Variants in ROS1 observed in about 807,000 individuals in gnomAD.
ROS1 encodes the protein proto-oncogene tyrosine-protein kinase ROS.
ROS1 carries 263 observed loss-of-function variants against 273.5 expected under a neutral mutation model. The ratio of observed to expected loss-of-function variants is 0.96; its 90% CI spans 0.87 to 1.06. ROS1 has a LOEUF of 1.06. ROS1 is among the 50% of genes least tolerant of loss of function. ROS1 has a pLI of 0.00. For synonymous variants in ROS1, 1,008 were observed against 954.1 expected (o/e 1.06, Z -1.04); for missense variants, 2,833 against 2,751.1 (o/e 1.03, Z -0.67).
chr6:117,419,461 T>G (rs1435430557), intron 1 of ROS1, among the ~76,000 whole-genome samples: 2 of 152,168 alleles, frequency 1.3e-5, no homozygotes, highest in African/African-American at 2.4e-5. Flanking sequence ...TCCTTTAAAC[T>G]CCGTTCCCTA....
chr6:117,301,262 T>A, intron 42 of ROS1, 125 bp from the exon 43 acceptor site: 1 of 761,956 alleles, frequency 1.3e-6, no homozygotes, highest in Non-Finnish European at 2.0e-6. Context: ...TTAATATAAG[T>A]GAATCAAAAC....
In ROS1 at chr6:117,386,978, A is replaced by G. The variant is rs2128698815; in HGVS notation, c.2021T>C (p.Met674Thr). ...LVPASEPPFI[M>T]AVKEDGLWSK... ...CCAAAGCCCATCTTCTTTCACAGCC[A>G]TGATAAATGGTGGTTCACTAGCTGT... The change falls in exon 15 of 44, where the codon ATG becomes ACG. Residue 674 changes from methionine to threonine, a missense_variant. Transcript: ENST00000368507. 1 of 1,610,888 alleles carries G rather than the reference A, an allele frequency of 6.2e-7. No homozygotes were observed. The highest frequency in any genetic ancestry group is 8.5e-7 in the Non-Finnish European group (1 of 1,177,558).
chr6:117,324,371 C>G lies in ROS1; in HGVS notation c.5584G>C (p.Val1862Leu), dbSNP rs2128574993. 6.5e-7 allele frequency: 1 copy of G among 1,529,118 alleles called. No homozygotes were observed. The highest frequency in any genetic ancestry group is 9.0e-7 in the Non-Finnish European group (1 of 1,110,778). 94.7% of individuals were successfully genotyped at this position (1,529,118 alleles called of 1,614,324 possible). ...ATTGTAACAACCAGAAATATTCCAA[C>G]TATAATAGTAAGTATGAAACTTGTT... is the stretch of plus-strand genomic sequence containing the variant. ...PETSFILTII[V>L]GIFLVVTIPL... The change falls in exon 35 of 44, where the codon GTT becomes CTT. Residue 1862 changes from valine (V) to leucine (L), a missense_variant. Val to Leu is a conservative substitution (Grantham distance 32). Coordinates refer to ENST00000368507, the MANE Select transcript of ROS1 (RefSeq NM_001378902.1).
rs1420516084 is a variant in ROS1, at chr6:117,394,677, T to G, written c.945A>C (p.Leu315Phe). 4 of 1,612,134 alleles carry G rather than the reference T, an allele frequency of 2.5e-6. No homozygotes were observed. Among genetic ancestry groups the G allele is most frequent in the Non-Finnish European group, 2.5e-6 (3 of 1,178,764 alleles). ...SRKTSLRKRS[L>F]KHLVDEAHCL... is the part of the protein sequence containing the mutation. Reference sequence around the variant, plus strand: ...AATGTGCTTCATCTACTAAATGTTTTAAAGATCTCTTTCTTAGAGAAGTTT... The same window carrying G: ...AATGTGCTTCATCTACTAAATGTTTGAAAGATCTCTTTCTTAGAGAAGTTT... Residue 315 changes from leucine (L) to phenylalanine (F), a missense_variant, in exon 10 of 44, where the codon TTA becomes TTC. Transcript: ENST00000368507.
chr6:117,347,921 T>C (rs1778508048), intron 27 of ROS1, among the ~76,000 whole-genome samples: 1 of 152,092 alleles, frequency 6.6e-6, no homozygotes. Context: ...TAAATCCCAC[T>C]TGACTGTGAT....
chr6:117,297,544 A>G (rs755490837), intron 43 of ROS1, among the ~76,000 whole-genome samples: 5 of 152,164 alleles, frequency 3.3e-5, no homozygotes, highest in Admixed American at 6.5e-5. Context: ...TAATCCCATT[A>G]AAAAGTGAGC....
In ROS1 at chr6:117,376,821, G is replaced by C. The variant is rs536564750; in HGVS notation, c.2582+2238C>G. On this transcript the variant is annotated intron_variant, in intron 18 of 43. Coordinates refer to ENST00000368507, the MANE Select transcript of ROS1 (RefSeq NM_001378902.1). ...TTGATTGGAAGATTCAAAATTTTGA[G>C]ATATTCATTCTTCCTAAACTGAAAA... 1.3e-4 allele frequency among the ~76,000 whole-genome samples: 20 copies of C among 152,250 alleles called. No individual in the cohort carries two copies. The South Asian group carries it at 4.1e-3, about 32-fold the overall frequency.
At chr6:117,376,258 A>T (rs903022163) in intron 18 of ROS1, among the ~76,000 whole-genome samples, 7 of 152,152 alleles carry the variant, frequency 4.6e-5, no homozygotes, top group Admixed American at 3.3e-4. Flanking sequence ...TTGAAAACTC[A>T]TGCAAAATGA....
At chr6:117,394,556 A>G (rs1773338468) in intron 10 of ROS1, 60 bp downstream of exon 10, 2 of 1,410,136 alleles carry the variant, frequency 1.4e-6, no homozygotes, top group Admixed American at 2.5e-5. Context: ...TTATTCTAGA[A>G]GTACTTCTTT....
intron 17 of ROS1, among the ~76,000 whole-genome samples, chr6:117,380,168 G>C (rs947537993): frequency 6.6e-6 from 1 of 152,058 alleles, no homozygotes; most frequent in Non-Finnish European, 1.5e-5. Flanking sequence ...AAGCTGTGAG[G>C]TATAACCAAT....
intron 5 of ROS1, among the ~76,000 whole-genome samples, chr6:117,404,992 G>C (rs1774281691): frequency 6.6e-6 from 1 of 152,178 alleles, no homozygotes. Flanking sequence ...ACAATTGGCA[G>C]CAATTTCTCA....
chr6:117,334,153 G>C (rs749624665), intron 32 of ROS1, among the ~76,000 whole-genome samples: 24 of 152,168 alleles, frequency 1.6e-4, no homozygotes, highest in Non-Finnish European at 1.2e-4. Context: ...AAAGTCTCAA[G>C]ATAAAAAATC....
chr6:117,347,104 C>A (rs11963046), intron 27 of ROS1, among the ~76,000 whole-genome samples: 1 of 152,034 alleles, frequency 6.6e-6, no homozygotes, highest in Non-Finnish European at 1.5e-5. Context: ...TACAAAATAA[C>A]TTTAGCTGGG....
chr6:117,423,629 A>G (rs12211197), intron 1 of ROS1, among the ~76,000 whole-genome samples: 4,748 of 152,300 alleles, frequency 0.031, 93 homozygotes, highest in Non-Finnish European at 0.046. Flanking sequence ...ATGCTCAAGC[A>G]TAGAACTCTG....
intron 12 of ROS1, among the ~76,000 whole-genome samples, chr6:117,390,358 C>T (rs1427851445): frequency 6.6e-6 from 1 of 152,204 alleles, no homozygotes; most frequent in East Asian, 1.9e-4. Context: ...AACTCCTGGG[C>T]TCAAGTGATC....
chr6:117,402,569 T>C lies in ROS1; in HGVS notation c.604+570A>G, dbSNP rs12194524. Among the ~76,000 whole-genome samples the C allele has an allele frequency of 5.4e-3, 818 of 152,352 alleles. 8 individuals are homozygous for C. Among genetic ancestry groups the C allele is most frequent in the African/African-American group, 0.018 (769 of 41,586 alleles). The stretch of plus-strand genomic sequence containing the variant: ...ATACTTTATTTATTTCTTATGTTTA[T>C]TGCAGAATATTTCTGTTCCAACAAC... On this transcript the variant is annotated intron_variant, in intron 7 of 43. Coordinates refer to ENST00000368507, the MANE Select transcript of ROS1 (RefSeq NM_001378902.1).
chr6:117,392,388 T>C (rs1186017086), intron 12 of ROS1, among the ~76,000 whole-genome samples: 1 of 152,116 alleles, frequency 6.6e-6, no homozygotes. Context: ...ACTTTATTCC[T>C]ACAGGAAAGA....
At chr6:117,396,801 G>T in intron 8 of ROS1, 114 bp downstream of exon 8, 1 of 771,862 alleles carries the variant, frequency 1.3e-6, no homozygotes, top group Non-Finnish European at 2.1e-6. Flanking sequence ...ACACCATGGA[G>T]TCAGTGGCGC....
chr6:117,351,283 G>A (rs1222870858), intron 27 of ROS1, among the ~76,000 whole-genome samples: 4 of 152,092 alleles, frequency 2.6e-5, no homozygotes, highest in African/African-American at 9.7e-5. Context: ...GCTGGGGTTG[G>A]GCACTTCTCT....
Sources: gnomAD v4.1 joint callset for allele counts (sites outside exome capture counted in the v4.1 genomes callset) on GRCh38, gnomAD v4.1.1 for gene constraint, MANE v1.5 for transcripts, NCBI Gene and HGNC (gene_info 2026-07-23, HGNC 2026-07-21) for gene names.